The following SORCS1 variants were observed in gnomAD, a reference collection of about 807,000 sequenced individuals.
SORCS1 encodes sortilin related VPS10 domain containing receptor 1, also known as VPS10 domain-containing receptor SorCS1.
SORCS1 carries 60 observed loss-of-function variants against 146.1 expected under a neutral mutation model. That is an observed-to-expected ratio of 0.41 (90% CI 0.33 to 0.51). The LOEUF (loss-of-function observed/expected upper bound fraction) is 0.51. Ranked by LOEUF, SORCS1 falls within the 20% of genes least tolerant of loss-of-function variation. The pLI is 0.21. For missense variants in SORCS1, 1,352 were observed against 1,487.6 expected (o/e 0.91, Z 1.50); for synonymous variants, 637 against 584.0 (o/e 1.09, Z -1.31).
intron 1 of SORCS1, among the ~76,000 whole-genome samples, chr10:107,055,083 G>A (rs975623598): frequency 6.6e-6 from 1 of 152,148 alleles, no homozygotes; most frequent in Non-Finnish European, 1.5e-5. Flanking sequence ...AGCACAGAGT[G>A]GAAGGGATTA....
At chr10:106,811,693 C>T (rs1050053762) in intron 3 of SORCS1, among the ~76,000 whole-genome samples, 1 of 152,186 alleles carries the variant, frequency 6.6e-6, no homozygotes, top group Non-Finnish European at 1.5e-5. Context: ...AACATTCAAG[C>T]AGCAGTACTC....
intron 2 of SORCS1, among the ~76,000 whole-genome samples, chr10:106,924,151 G>GACA (rs1952862822): frequency 6.6e-6 from 1 of 151,998 alleles, no homozygotes; most frequent in Non-Finnish European, 1.5e-5. Context: ...CTACTTGAGA[G>GACA]GCTGAGACAG....
chr10:106,923,065 A>G (rs765548570), intron 2 of SORCS1, among the ~76,000 whole-genome samples: 1 of 151,734 alleles, frequency 6.6e-6, no homozygotes, highest in African/African-American at 2.4e-5. Flanking sequence ...TAATTTTTGT[A>G]CTTTTAGTAG....
chr10:106,803,684 T>C (rs1230727263), intron 3 of SORCS1, among the ~76,000 whole-genome samples: 1 of 152,206 alleles, frequency 6.6e-6, no homozygotes, highest in Non-Finnish European at 1.5e-5. Flanking sequence ...GTGAATAATG[T>C]AGGGAGGGTA....
chr10:106,691,649 G>A (rs950396886), intron 9 of SORCS1, among the ~76,000 whole-genome samples: 3 of 151,980 alleles, frequency 2.0e-5, no homozygotes, highest in African/African-American at 7.3e-5. Context: ...GTTCACAAAG[G>A]CCACCCCCAA....
At chr10:106,789,789 TG>T in intron 3 of SORCS1, among the ~76,000 whole-genome samples, 1 of 152,346 alleles carries the variant, frequency 6.6e-6, no homozygotes, top group African/African-American at 2.4e-5. Context: ...ACCAATTCAC[TG>T]TATTAGTCTG....
At chr10:107,069,365 T>C (rs1280745247) in intron 1 of SORCS1, among the ~76,000 whole-genome samples, 1 of 152,158 alleles carries the variant, frequency 6.6e-6, no homozygotes, top group Non-Finnish European at 1.5e-5. Flanking sequence ...TTTCTTTTCT[T>C]TTCCTTTTTT....
chr10:107,077,578 G>A (rs2134217620), intron 1 of SORCS1, among the ~76,000 whole-genome samples: 1 of 150,666 alleles, frequency 6.6e-6, no homozygotes, highest in Middle Eastern at 3.4e-3. Context: ...TATATAGCAA[G>A]CACTGTATTA....
At chr10:107,095,219 T>A (rs544273283) in intron 1 of SORCS1, among the ~76,000 whole-genome samples, 1 of 152,312 alleles carries the variant, frequency 6.6e-6, no homozygotes, top group South Asian at 2.1e-4. Context: ...GGATGGGGAC[T>A]TAGTCTATCA....
At chr10:106,883,872 AC>A (rs1397405328) in intron 2 of SORCS1, among the ~76,000 whole-genome samples, 1 of 152,182 alleles carries the variant, frequency 6.6e-6, no homozygotes, top group Non-Finnish European at 1.5e-5. Flanking sequence ...AGCAGGAAGA[AC>A]CTGGCTTGTT....
Position 106,608,817 on chromosome 10 carries a change from G to A in SORCS1, c.3034-1520C>T, listed in dbSNP as rs11818269. Among the ~76,000 whole-genome samples the A allele has an allele frequency of 3.4e-3, 511 of 152,274 alleles. 5 individuals are homozygous for A. Among genetic ancestry groups the A allele is most frequent in the African/African-American group, 0.012 (496 of 41,544 alleles). On this transcript the variant is annotated intron_variant, in intron 22 of 25. Coordinates refer to ENST00000263054, the MANE Select transcript of SORCS1 (RefSeq NM_052918.5). Reference sequence around the variant, plus strand: ...ACATGGACAAGGGAAAACTTGAGCTGCCATGTAGGCCCATGACAACTTCAA... The same window carrying A: ...ACATGGACAAGGGAAAACTTGAGCTACCATGTAGGCCCATGACAACTTCAA...
intron 1 of SORCS1, among the ~76,000 whole-genome samples, chr10:106,988,158 G>A (rs1433221019): frequency 2.0e-5 from 3 of 152,154 alleles, no homozygotes; most frequent in African/African-American, 4.8e-5. Flanking sequence ...GACGTTGATC[G>A]CTAGCTCACC....
At chr10:107,120,924 A>G (rs894024118) in intron 1 of SORCS1, among the ~76,000 whole-genome samples, 1 of 152,138 alleles carries the variant, frequency 6.6e-6, no homozygotes, top group Non-Finnish European at 1.5e-5. Context: ...ATCTATGCTA[A>G]GGAGAAGAGG....
intron 3 of SORCS1, among the ~76,000 whole-genome samples, chr10:106,810,934 G>T (rs1947425265): frequency 6.6e-6 from 1 of 151,264 alleles, no homozygotes; most frequent in African/African-American, 2.4e-5. Flanking sequence ...GAGAAAAAGG[G>T]TATAATTTCT....
In SORCS1 at chr10:106,810,319, C is replaced by T. The variant is rs181233915; in HGVS notation, c.726+19255G>A. ...GTCCAAATTTAAAGCAATATAACCC[C>T]CTCTTCACTCATCTTGCAGGCAATG... On this transcript the variant is annotated intron_variant, in intron 3 of 25. Transcript: ENST00000263054. Among the ~76,000 whole-genome samples the T allele has an allele frequency of 1.2e-3, 182 of 152,298 alleles. 2 individuals carry two copies. The highest frequency in any genetic ancestry group is 4.2e-3 in the African/African-American group (175 of 41,570).
At chr10:106,586,537 C>A (rs1391881341) in intron 24 of SORCS1, among the ~76,000 whole-genome samples, 1 of 152,132 alleles carries the variant, frequency 6.6e-6, no homozygotes, top group East Asian at 1.9e-4. Flanking sequence ...TGACCATTCT[C>A]TGACCAAGAG....
At chr10:106,663,166 T>C (rs1216236010) in intron 17 of SORCS1, among the ~76,000 whole-genome samples, 1 of 152,184 alleles carries the variant, frequency 6.6e-6, no homozygotes, top group Non-Finnish European at 1.5e-5. Context: ...CTGATAATAT[T>C]ATAATAATAC....
At chr10:106,734,758 C>T (rs1046848568) in intron 5 of SORCS1, among the ~76,000 whole-genome samples, 14 of 152,126 alleles carry the variant, frequency 9.2e-5, no homozygotes, top group East Asian at 3.8e-4. Flanking sequence ...AGACTCCTGG[C>T]ACAGAGCTAG....
chr10:107,140,566 C>A (rs1023258771), intron 1 of SORCS1, among the ~76,000 whole-genome samples: 2 of 152,220 alleles, frequency 1.3e-5, no homozygotes, highest in African/African-American at 2.4e-5. Context: ...ATTCTACAAC[C>A]TGCCTTTAGT....
Sources: gnomAD v4.1 joint callset for allele counts (sites outside exome capture counted in the v4.1 genomes callset) on GRCh38, gnomAD v4.1.1 for gene constraint, MANE v1.5 for transcripts, NCBI Gene and HGNC (gene_info 2026-07-23, HGNC 2026-07-21) for gene names.